Variants in PROX2 observed in about 807,000 individuals in gnomAD.
PROX2 encodes the protein prospero homeobox protein 2.
Under a neutral mutation model 48.9 loss-of-function variants are expected in PROX2, and 46 were observed. The ratio of observed to expected loss-of-function variants is 0.94; its 90% CI spans 0.74 to 1.20. The LOEUF (loss-of-function observed/expected upper bound fraction) is 1.20, where lower values mean the gene tolerates loss of function less well. PROX2 is among the 50% of genes most tolerant of loss of function. PROX2 has a pLI of 0.00. For synonymous variants in PROX2, 260 were observed against 276.6 expected (o/e 0.94, Z 0.60); for missense variants, 663 against 719.4 (o/e 0.92, Z 0.90).
intron 2 of PROX2, among the ~76,000 whole-genome samples, chr14:74,870,062 A>G (rs1481548651): frequency 2.0e-5 from 3 of 152,178 alleles, no homozygotes; most frequent in Non-Finnish European, 4.4e-5. Context: ...GTGTTTAAGT[A>G]AAGTTTATGT....
Position 74,855,310 on chromosome 14 carries a change from T to C in PROX2, c.1609-8A>G. ...CAAGAAGCAATCTGGAACCTGCATTTCCAAAGAGACCCACAAGAAAGAAAA... is the reference window on the plus strand; with the variant it reads ...CAAGAAGCAATCTGGAACCTGCATTCCCAAAGAGACCCACAAGAAAGAAAA... On this transcript the variant is annotated splice_polypyrimidine_tract_variant and splice_region_variant and intron_variant, in intron 5 of 5. Transcript: ENST00000556489. The C allele has an allele frequency of 6.5e-7, 1 of 1,539,592 alleles. No individual in the cohort carries two copies. The highest frequency in any genetic ancestry group is 8.8e-7 in the Non-Finnish European group (1 of 1,133,622).
At chr14:74,859,720 T>C (rs945825080) in intron 3 of PROX2, among the ~76,000 whole-genome samples, 1 of 152,234 alleles carries the variant, frequency 6.6e-6, no homozygotes, top group Admixed American at 6.5e-5. Context: ...GACTTCCACA[T>C]AGGATGAATC....
At chr14:74,856,666 T>TGATACAGAG in intron 5 of PROX2, 135 bp downstream of exon 5, 1 of 681,962 alleles carries the variant, frequency 1.5e-6, no homozygotes, top group Non-Finnish European at 2.5e-6. Flanking sequence ...TCTTTGTGGA[T>TGATACAGAG]GATACAGAGA....
chr14:74,864,826 A>G (rs1421316069), intron 2 of PROX2, among the ~76,000 whole-genome samples: 3 of 149,460 alleles, frequency 2.0e-5, no homozygotes, highest in Non-Finnish European at 4.4e-5. Context: ...TGGGTGACAG[A>G]GCGAGACTCC....
In PROX2 at chr14:74,868,334, TA is replaced by T. The variant is rs1387149582; in HGVS notation, c.-175+2768del. On this transcript the variant is annotated intron_variant, in intron 2 of 5. Coordinates refer to ENST00000556489, the MANE Select transcript of PROX2 (RefSeq NM_001243007.2). ...GTAATTATATATATATATATATATA[TA>T]TATATATATATATATATATATATAT... 1.7e-3 allele frequency among the ~76,000 whole-genome samples: 222 copies of T among 127,692 alleles called. 5 individuals carry two copies. Among genetic ancestry groups the T allele is most frequent in the South Asian group, 0.012 (49 of 4,128 alleles). The allele number at this position is 127,692 out of a possible 152,430, so 83.8% of individuals were successfully genotyped here.
intron 2 of PROX2, among the ~76,000 whole-genome samples, chr14:74,869,813 T>C (rs1336965971): frequency 6.6e-6 from 1 of 152,226 alleles, no homozygotes; most frequent in African/African-American, 2.4e-5. Context: ...TCAGTAATCT[T>C]GCTCAGTTTT....
chr14:74,856,867 C>A lies in PROX2; in HGVS notation c.1542G>T (p.Val514=). 6.2e-7 allele frequency: 1 copy of A among 1,613,984 alleles called. No individual in the cohort carries two copies. The highest frequency in any genetic ancestry group is 8.5e-7 in the Non-Finnish European group (1 of 1,179,884). Residue 514 remains valine, a synonymous_variant, in exon 5 of 6, where the codon GTG becomes GTT. Coordinates refer to ENST00000556489, the MANE Select transcript of PROX2 (RefSeq NM_001243007.2). ...SDGVTNPKML[V]VLRNSELFQA... Reference sequence around the variant, plus strand: ...GAAAAAGTTCTGAATTGCGGAGAACCACCAGCATTTTGGGATTTGTGACAC... The same window carrying A: ...GAAAAAGTTCTGAATTGCGGAGAACAACCAGCATTTTGGGATTTGTGACAC...
At chr14:74,855,373 C>A in intron 5 of PROX2, 71 bp from the exon 6 acceptor site, 1 of 1,275,844 alleles carries the variant, frequency 7.8e-7, no homozygotes, top group Non-Finnish European at 1.1e-6. Flanking sequence ...AGAGCCCTCA[C>A]TAGCGGGTGC....
Position 74,863,702 on chromosome 14 carries a change from C to T in PROX2, c.133G>A (p.Val45Ile). The T allele has an allele frequency of 6.5e-7, 1 of 1,534,582 alleles. No homozygotes were observed. Residue 45 changes from valine to isoleucine, a missense_variant, in exon 3 of 6, where the codon GTC becomes ATC. Physicochemically the swap from Val to Ile is conservative, Grantham distance 29. Coordinates refer to ENST00000556489, the MANE Select transcript of PROX2 (RefSeq NM_001243007.2). ...GGGTCTGTAGGGCTGGAGCTGGGGA[C>T]CTGACTCCAGGGAAACGGGGAGTCT... ...DRDSPFPWSQ[V>I]PSSSPTDPEW... is the part of the protein sequence containing the mutation.
intron 3 of PROX2, 96 bp from the exon 4 acceptor site, chr14:74,858,610 T>A: frequency 1.4e-6 from 1 of 726,840 alleles, no homozygotes; most frequent in South Asian, 1.9e-5. Flanking sequence ...TGATTTCATT[T>A]TGTTTTTCTG....
At chr14:74,862,481 A>G (rs763031290) in intron 3 of PROX2, 49 bp downstream of exon 3, 83 of 1,567,286 alleles carry the variant, frequency 5.3e-5, no homozygotes, top group Non-Finnish European at 6.6e-5. Flanking sequence ...AGCATGAGCC[A>G]CACTGCACCT....
At position 74,854,164 on chromosome 14, in the gene PROX2, A is replaced by G. The variant is rs992001405; in HGVS notation, c.*968T>C. On this transcript the variant is annotated 3_prime_UTR_variant, in exon 6 of 6. Transcript: ENST00000556489. Reference sequence around the variant, plus strand: ...TTCTACCTTTCACAGTCTGAAGTTCAGCTTCTTCTGCATATATGAGGTTGG... The same window carrying G: ...TTCTACCTTTCACAGTCTGAAGTTCGGCTTCTTCTGCATATATGAGGTTGG... 10 of 385,880 alleles carry G rather than the reference A, an allele frequency of 2.6e-5. No individual in the cohort carries two copies. The highest frequency in any genetic ancestry group is 1.6e-5 in the Non-Finnish European group (3 of 189,680). 23.9% of individuals were successfully genotyped at this position (385,880 alleles called of 1,614,324 possible).
At position 74,873,622 on chromosome 14, in the gene PROX2, C is replaced by T; in HGVS notation, c.-310+2273G>A. On this transcript the variant is annotated intron_variant, in intron 1 of 5. Transcript: ENST00000556489. ...GGTCTTCTGGCCCCGGCCAAGGTGC[C>T]AGTCGCCTCCTGAGATCCTGTGCCT... 1.1e-5 allele frequency: 3 copies of T among 284,674 alleles called. No homozygotes were observed. In the South Asian group the frequency reaches 1.2e-4, roughly 11 times the overall value. The allele number at this position is 284,674 out of a possible 1,614,324, so 17.6% of individuals were successfully genotyped here.
In PROX2 at chr14:74,863,446, G is replaced by C. The variant is rs751064033; in HGVS notation, c.389C>G (p.Pro130Arg). 7 of 1,613,402 alleles carry C rather than the reference G, an allele frequency of 4.3e-6. No individual in the cohort carries two copies. The highest frequency in any genetic ancestry group is 1.7e-4 in the Middle Eastern group (1 of 6,058). Residue 130 changes from proline (P) to arginine (R), a missense_variant, in exon 3 of 6, where the codon CCT becomes CGT. Transcript: ENST00000556489. The stretch of plus-strand genomic sequence containing the variant: ...CAGATGAAGTTGTTCTCTCACACGA[G>C]GGCCCCCCTTCCTGTTGCCCTGGTC... ...AWDQGNRKGG[P>R]RVREQLHLLK...
At chr14:74,867,239 C>G (rs780252517) in intron 2 of PROX2, among the ~76,000 whole-genome samples, 4 of 152,198 alleles carry the variant, frequency 2.6e-5, no homozygotes, top group Non-Finnish European at 2.9e-5. Flanking sequence ...AACATGGTCT[C>G]GATCTAACTC....
intron 2 of PROX2, among the ~76,000 whole-genome samples, chr14:74,864,860 C>G (rs2091831094): frequency 1.4e-5 from 2 of 140,340 alleles, no homozygotes; most frequent in Admixed American, 1.4e-4. Flanking sequence ...AAAGCAAATT[C>G]AGGCCGGGCA....
At chr14:74,855,892 A>G (rs1203654406) in intron 5 of PROX2, 3 of 151,080 alleles carry the variant, frequency 2.0e-5, no homozygotes, top group African/African-American at 7.4e-5. Flanking sequence ...CTATGTGGAA[A>G]GATGCAGCAG....
At chr14:74,872,105 C>A (rs564171263) in intron 1 of PROX2, among the ~76,000 whole-genome samples, 1 of 152,192 alleles carries the variant, frequency 6.6e-6, no homozygotes, top group African/African-American at 2.4e-5. Context: ...ACCTTTGATG[C>A]GCTTCAGCTG....
chr14:74,874,194 G>C, intron 1 of PROX2: 1 of 461,322 alleles, frequency 2.2e-6, no homozygotes, highest in Non-Finnish European at 4.3e-6. Flanking sequence ...CTGCAGAATG[G>C]GAAATCAAGA....
Sources: gnomAD v4.1 joint callset for allele counts (sites outside exome capture counted in the v4.1 genomes callset) on GRCh38, gnomAD v4.1.1 for gene constraint, MANE v1.5 for transcripts, NCBI Gene and HGNC (gene_info 2026-07-23, HGNC 2026-07-21) for gene names.